Variants in PRSS3 observed in about 807,000 individuals in gnomAD.
PRSS3 encodes the protein serine protease 3.
In PRSS3, 14 loss-of-function variants were observed where a neutral mutation model predicts 20.8. That is an observed-to-expected ratio of 0.67 (90% confidence interval 0.44 to 1.05). PRSS3 has a LOEUF of 1.05. PRSS3 is among the 50% of genes least tolerant of loss of function. The probability of loss-of-function intolerance (pLI) is 0.00; values close to 1 mark genes in which losing one functional copy is unlikely to be tolerated. For missense variants in PRSS3, 237 were observed against 306.4 expected (o/e 0.77, Z 1.69); for synonymous variants, 91 against 117.6 (o/e 0.77, Z 1.46).
chr9:33,791,065 C>T (rs1824611325), upstream of PRSS3, among the ~76,000 whole-genome samples: 1 of 152,168 alleles, frequency 6.6e-6, no homozygotes. Context: ...TTAAAGGACA[C>T]AAAATTACAG....
chr9:33,766,797 T>C (rs1019084261), intron 1 of PRSS3, among the ~76,000 whole-genome samples: 1 of 152,090 alleles, frequency 6.6e-6, no homozygotes, highest in Non-Finnish European at 1.5e-5. Context: ...TATCAATGTG[T>C]ATGGGATTTC....
chr9:33,794,361 TAGACTTGATCAC>T (rs1233763316), upstream of PRSS3, among the ~76,000 whole-genome samples: 4 of 152,116 alleles, frequency 2.6e-5, no homozygotes, highest in African/African-American at 9.7e-5. Flanking sequence ...CTTACATCAT[TAGACTTGATCAC>T]AGACAGCATC....
At chr9:33,763,954 T>C (rs545645204) in intron 1 of PRSS3, among the ~76,000 whole-genome samples, 50 of 152,330 alleles carry the variant, frequency 3.3e-4, no homozygotes, top group Middle Eastern at 3.4e-3. Context: ...CCCTTTGTTT[T>C]CATTGTTATG....
chr9:33,767,595 G>T (rs1326591840), intron 1 of PRSS3, among the ~76,000 whole-genome samples: 5 of 151,120 alleles, frequency 3.3e-5, no homozygotes, highest in Admixed American at 2.0e-4. Context: ...AGGCCAAGGC[G>T]GGTGGATCAC....
chr9:33,798,161 C>G lies in PRSS3; in HGVS notation c.454+79C>G, dbSNP rs1052076440. On this transcript the variant is annotated intron_variant, in intron 3 of 4. Coordinates refer to ENST00000379405, the MANE Select transcript of PRSS3 (RefSeq NM_002771.4). ...CGAAGCATGCCCCTTTATTTGAATC[C>G]TCTTGCCTCCCGGCTTAAGACACAT... 1.8e-5 allele frequency: 29 copies of G among 1,583,390 alleles called. No individual in the cohort carries two copies. The African/African-American group carries it at 3.7e-4, about 20-fold the overall frequency.
At chr9:33,763,667 C>G (rs936407563) in intron 1 of PRSS3, among the ~76,000 whole-genome samples, 2 of 149,042 alleles carry the variant, frequency 1.3e-5, no homozygotes, top group Admixed American at 1.4e-4. Flanking sequence ...CCACTGCACT[C>G]CAGCCTGGGC....
intron 1 of PRSS3, among the ~76,000 whole-genome samples, chr9:33,752,636 T>C (rs1212049625): frequency 6.6e-6 from 1 of 152,246 alleles, no homozygotes; most frequent in Admixed American, 6.5e-5. Flanking sequence ...ACACTTTCTT[T>C]GAACTCTTAA....
At chr9:33,755,174 C>T (rs146443302) in intron 1 of PRSS3, among the ~76,000 whole-genome samples, 10 of 152,232 alleles carry the variant, frequency 6.6e-5, no homozygotes, top group Admixed American at 2.6e-4. Context: ...TGAGAAACAC[C>T]GAATGTCGGG....
chr9:33,796,078 T>C (rs1824914037), intron 1 of PRSS3, among the ~76,000 whole-genome samples: 1 of 152,212 alleles, frequency 6.6e-6, no homozygotes, highest in Admixed American at 6.5e-5. Flanking sequence ...TTTTTAACGT[T>C]TCCAGGCATG....
At chr9:33,780,690 A>C (rs1202844670) in intron 1 of PRSS3, among the ~76,000 whole-genome samples, 1 of 152,232 alleles carries the variant, frequency 6.6e-6, no homozygotes, top group Non-Finnish European at 1.5e-5. Context: ...ACAGGCTCAA[A>C]ACAAAGAGAG....
chr9:33,761,799 A>G (rs1453980381), intron 1 of PRSS3, among the ~76,000 whole-genome samples: 3 of 152,190 alleles, frequency 2.0e-5, no homozygotes, highest in African/African-American at 4.8e-5. Flanking sequence ...GGATCACTTG[A>G]ACCCTGGGGA....
rs147875762 is a variant in PRSS3 at position 33,786,107 on chromosome 9, C to T, written c.-52-8639C>T. The T allele has an allele frequency of 6.7e-4, 202 of 302,892 alleles. 1 individual carries two copies. In the East Asian group the frequency reaches 0.013, roughly 20 times the overall value. 18.8% of individuals were successfully genotyped at this position (302,892 alleles called of 1,614,324 possible). ...TTTTGCATATCCTGCAGAAACTCAACCACCTATTAGAGGAGAGAAACAGAG... is the reference window on the plus strand; with the variant it reads ...TTTTGCATATCCTGCAGAAACTCAATCACCTATTAGAGGAGAGAAACAGAG... On this transcript the variant is annotated intron_variant, in intron 1 of 5. Coordinates refer to the PRSS3 transcript ENST00000342836.
intron 1 of PRSS3, among the ~76,000 whole-genome samples, chr9:33,767,459 G>T (rs991715712): frequency 6.6e-6 from 1 of 152,144 alleles, no homozygotes; most frequent in Non-Finnish European, 1.5e-5. Context: ...TGGAGACAGG[G>T]TCTTTAAAGA....
At chr9:33,771,573 C>T (rs1224378911) in intron 1 of PRSS3, among the ~76,000 whole-genome samples, 5 of 151,190 alleles carry the variant, frequency 3.3e-5, no homozygotes, top group African/African-American at 7.3e-5. Flanking sequence ...GCAATCCGCC[C>T]GCCTCAGCCT....
intron 1 of PRSS3, among the ~76,000 whole-genome samples, chr9:33,768,223 T>C (rs1823530297): frequency 6.6e-6 from 1 of 152,192 alleles, no homozygotes; most frequent in Non-Finnish European, 1.5e-5. Flanking sequence ...CTCACGCCTG[T>C]AATCCCAGCA....
intron 1 of PRSS3, among the ~76,000 whole-genome samples, chr9:33,753,425 C>A (rs1822787287): frequency 6.6e-6 from 1 of 152,198 alleles, no homozygotes; most frequent in South Asian, 2.1e-4. Flanking sequence ...AGAATTACAG[C>A]TAAAAGCAAT....
chr9:33,753,971 C>T (rs1822814758), intron 1 of PRSS3, among the ~76,000 whole-genome samples: 1 of 152,188 alleles, frequency 6.6e-6, no homozygotes, highest in Non-Finnish European at 1.5e-5. Flanking sequence ...TCCTCACTTC[C>T]CCAAGTTGCA....
chr9:33,763,105 T>C (rs1823273985), intron 1 of PRSS3, among the ~76,000 whole-genome samples: 1 of 152,238 alleles, frequency 6.6e-6, no homozygotes, highest in Non-Finnish European at 1.5e-5. Flanking sequence ...TATTCTATTA[T>C]GTGACTATAT....
intron 1 of PRSS3, among the ~76,000 whole-genome samples, chr9:33,759,768 GTGCAAGTGGTGA>G (rs1211075758): frequency 6.6e-6 from 1 of 152,334 alleles, no homozygotes; most frequent in East Asian, 1.9e-4. Context: ...AGTCACCAGT[GTGCAAGTGGTGA>G]TTAATCCATG....
Sources: allele counts gnomAD v4.1 joint callset (sites outside exome capture counted in the v4.1 genomes callset), GRCh38; gene constraint gnomAD v4.1.1; transcripts MANE v1.5; gene names NCBI Gene and HGNC (gene_info 2026-07-23, HGNC 2026-07-21).